MCOLN3: variants seen among roughly 807,000 people sequenced by gnomAD.
The protein encoded by MCOLN3 is mucolipin-3.
In MCOLN3, 62 loss-of-function variants were observed where a neutral mutation model predicts 69.4. The ratio of observed to expected loss-of-function variants is 0.89; its 90% CI spans 0.73 to 1.10. MCOLN3 has a LOEUF of 1.10. MCOLN3 is among the 50% of genes least tolerant of loss of function. The pLI, the probability that MCOLN3 is intolerant of heterozygous loss-of-function variation, is 0.00. For synonymous variants in MCOLN3, 183 were observed against 217.0 expected, an observed-to-expected ratio of 0.84 and a Z score of 1.38; for missense variants, 564 against 656.4, an observed-to-expected ratio of 0.86 and a Z score of 1.54.
In MCOLN3 at chr1:85,021,291, G is replaced by T; in HGVS notation, c.1321-15C>A. 1 of 1,598,632 alleles carries T rather than the reference G, an allele frequency of 6.3e-7. No individual in the cohort carries two copies. The highest frequency in any genetic ancestry group is 1.1e-5 in the South Asian group (1 of 88,458). On this transcript the variant is annotated splice_polypyrimidine_tract_variant and intron_variant, in intron 11 of 12. Coordinates refer to ENST00000370589, the MANE Select transcript of MCOLN3 (RefSeq NM_018298.11). ...AGAGAACGAAACTGGAAAAAGAAAA[G>T]AGAAAAGTTCACTTTATTCCATGTT...
At chr1:85,027,819 A>G (rs528157964) in intron 7 of MCOLN3, among the ~76,000 whole-genome samples, 9 of 152,310 alleles carry the variant, frequency 5.9e-5, no homozygotes, top group East Asian at 1.9e-4. Context: ...CCTGGCCACC[A>G]TGCGTGGAGC....
intron 7 of MCOLN3, among the ~76,000 whole-genome samples, chr1:85,027,090 T>C (rs1241809816): frequency 1.3e-5 from 2 of 152,100 alleles, no homozygotes; most frequent in Non-Finnish European, 2.9e-5. Flanking sequence ...TGTACTTATC[T>C]AGGTATAAAA....
chr1:85,032,106 T>G (rs1422119432), intron 6 of MCOLN3, among the ~76,000 whole-genome samples: 3 of 135,186 alleles, frequency 2.2e-5, no homozygotes, highest in Non-Finnish European at 4.9e-5. Context: ...GAGAGAGAGA[T>G]TAATAACATA....
chr1:85,025,172 A>AGCT (rs1446133492), intron 9 of MCOLN3: 1 of 152,178 alleles, frequency 6.6e-6, no homozygotes, highest in African/African-American at 2.4e-5. Context: ...TGAGATGTTG[A>AGCT]GCTACTCACC....
In MCOLN3 at chr1:85,045,125, A is replaced by T; in HGVS notation, c.228+8T>A. ...GCTTTCACCAAACTCATGATCTGAG[A>T]TGCTTACCTGGATAGTCACCATTGC... On this transcript the variant is annotated splice_region_variant and intron_variant, in intron 2 of 12. Transcript: ENST00000370589. 6.2e-7 allele frequency: 1 copy of T among 1,607,438 alleles called. No individual in the cohort carries two copies.
intron 11 of MCOLN3, 43 bp downstream of exon 11, chr1:85,022,027 C>G (rs765879936): frequency 6.3e-7 from 1 of 1,590,482 alleles, no homozygotes; most frequent in Non-Finnish European, 8.6e-7. Flanking sequence ...TGGCACTATG[C>G]TAAAAGCTTA....
At chr1:85,047,161 C>T (rs915245760) in intron 1 of MCOLN3, 7 of 152,100 alleles carry the variant, frequency 4.6e-5, no homozygotes, top group Admixed American at 1.3e-4. Context: ...CACTTTGATA[C>T]AGGGAAAATT....
At chr1:85,026,679 C>A (rs1034296300) in intron 7 of MCOLN3, among the ~76,000 whole-genome samples, 1 of 151,540 alleles carries the variant, frequency 6.6e-6, no homozygotes, top group Admixed American at 6.6e-5. Context: ...ATGGCGTGGA[C>A]CTGGAAGGTG....
At chr1:85,030,406 A>G (rs371404582) in intron 6 of MCOLN3, among the ~76,000 whole-genome samples, 4 of 152,272 alleles carry the variant, frequency 2.6e-5, no homozygotes, top group African/African-American at 9.6e-5. Flanking sequence ...ATTTGAAAAT[A>G]TAGCAACAGA....
In MCOLN3 at chr1:85,041,043, G is replaced by A. The variant is rs755910879; in HGVS notation, c.363C>T (p.Asp121=). The A allele has an allele frequency of 1.2e-5, 19 of 1,613,414 alleles. 1 individual carries two copies. The highest frequency in any genetic ancestry group is 3.3e-4 in the Middle Eastern group (2 of 6,074). ...CTGCGAAGATTAACTGATCATACACGTCACTTTGTGTGTACACTGCATATG... is the reference window on the plus strand; with the variant it reads ...CTGCGAAGATTAACTGATCATACACATCACTTTGTGTGTACACTGCATATG... ...DDTYAVYTQS[D]VYDQLIFAVN... The change falls in exon 3 of 13, where the codon GAC becomes GAT. Residue 121 remains aspartate, a synonymous_variant. Coordinates refer to ENST00000370589, the MANE Select transcript of MCOLN3 (RefSeq NM_018298.11).
At position 85,034,231 on chromosome 1, in the gene MCOLN3, G is replaced by C. The variant is rs373347360; in HGVS notation, c.417C>G (p.Val139=). 26 of 1,614,050 alleles carry C rather than the reference G, an allele frequency of 1.6e-5. No homozygotes were observed. The highest frequency in any genetic ancestry group is 9.3e-5 in the African/African-American group (7 of 74,920). Residue 139 remains valine (V), a synonymous_variant, in exon 4 of 13, where the codon GTC becomes GTG. Coordinates refer to ENST00000370589, the MANE Select transcript of MCOLN3 (RefSeq NM_018298.11). ...AVNQYLQLYN[V]SVGNHAYENK... ...TCTCATAAGCATGATTCCCAACGGAGACATTGTATAGCTGCAAGTACTTCA... is the reference window on the plus strand; with the variant it reads ...TCTCATAAGCATGATTCCCAACGGACACATTGTATAGCTGCAAGTACTTCA...
At chr1:85,020,198 G>T (rs945177887) in intron 12 of MCOLN3, among the ~76,000 whole-genome samples, 1 of 152,218 alleles carries the variant, frequency 6.6e-6, no homozygotes, top group Non-Finnish European at 1.5e-5. Context: ...CTAAGCAGAT[G>T]AGAGCAAAGA....
At position 85,019,173 on chromosome 1, in the gene MCOLN3, TGTA is replaced by T; in HGVS notation, c.1609_1611del (p.Tyr537del). 6.2e-7 allele frequency: 1 copy of T among 1,613,712 alleles called. No individual in the cohort carries two copies. The highest frequency in any genetic ancestry group is 8.5e-7 in the Non-Finnish European group (1 of 1,179,664). ...GATACTGGAGGGTCATCTTCTAATC[TGTA>T]TTTTCCAGAGTTGGGTAGATCTTTG... On this transcript the variant is annotated inframe_deletion, in exon 13 of 13. Transcript: ENST00000370589.
At chr1:85,033,065 T>G (rs907448146) in intron 4 of MCOLN3, 109 bp from the exon 5 acceptor site, 48 of 988,892 alleles carry the variant, frequency 4.9e-5, no homozygotes, top group Non-Finnish European at 7.2e-5. Flanking sequence ...TTTCAGATTC[T>G]ATTATTTTTC....
Position 85,034,271 on chromosome 1 carries a change from C to T in MCOLN3, c.397-20G>A. The T allele has an allele frequency of 6.2e-7, 1 of 1,613,634 alleles. No individual in the cohort carries two copies. The highest frequency in any genetic ancestry group is 8.5e-7 in the Non-Finnish European group (1 of 1,179,618). On this transcript the variant is annotated intron_variant, in intron 3 of 12. Transcript: ENST00000370589. ...CAAGTACTTCAACCAAAATGAGAAACAGAAAATGGGAATGCCAGCCAGGGC... is the reference window on the plus strand; with the variant it reads ...CAAGTACTTCAACCAAAATGAGAAATAGAAAATGGGAATGCCAGCCAGGGC...
At chr1:85,035,800 G>T (rs1652771904) in intron 3 of MCOLN3, among the ~76,000 whole-genome samples, 2 of 152,116 alleles carry the variant, frequency 1.3e-5, no homozygotes, top group South Asian at 4.1e-4. Flanking sequence ...AGAACTCATA[G>T]GATTGCTATA....
chr1:85,021,949 CTACCTT>C, intron 11 of MCOLN3, 115 bp downstream of exon 11: 1 of 1,263,976 alleles, frequency 7.9e-7, no homozygotes, highest in Non-Finnish European at 1.1e-6. Context: ...ACTAGATATA[CTACCTT>C]CAACATTTTA....
chr1:85,027,854 G>A (rs943537311), intron 7 of MCOLN3, among the ~76,000 whole-genome samples: 1 of 152,182 alleles, frequency 6.6e-6, no homozygotes, highest in Admixed American at 6.5e-5. Context: ...GGGCAGAGGT[G>A]TCAGCCATTG....
At chr1:85,041,652 C>G (rs1236034195) in intron 2 of MCOLN3, among the ~76,000 whole-genome samples, 2 of 151,880 alleles carry the variant, frequency 1.3e-5, no homozygotes, top group African/African-American at 4.8e-5. Flanking sequence ...GGTGGATTAC[C>G]TTAGGTCAGG....
Sources: allele counts gnomAD v4.1 joint callset (sites outside exome capture counted in the v4.1 genomes callset), GRCh38; gene constraint gnomAD v4.1.1; transcripts MANE v1.5; gene names NCBI Gene and HGNC (gene_info 2026-07-23, HGNC 2026-07-21).